The following GLB1L3 variants were observed in gnomAD, a reference collection of about 807,000 sequenced individuals.
GLB1L3 encodes the protein galactosidase beta 1 like 3, also known as beta-galactosidase-1-like protein 3.
In GLB1L3, 89 loss-of-function variants were observed where a neutral mutation model predicts 89.5. The observed-to-expected ratio is 0.99, with a 90% confidence interval of 0.84 to 1.19. The LOEUF (loss-of-function observed/expected upper bound fraction) is 1.19. Among genes scored for constraint, GLB1L3 ranks in the 50% most tolerant of loss-of-function variants. The pLI, the probability that GLB1L3 is intolerant of heterozygous loss-of-function variation, is 0.00. For missense variants in GLB1L3, 812 were observed against 813.3 expected, an observed-to-expected ratio of 1.00 and a Z score of 0.02; for synonymous variants, 314 against 312.3, an observed-to-expected ratio of 1.01 and a Z score of -0.06.
chr11:134,284,069 C>T (rs1055881694), intron 6 of GLB1L3, among the ~76,000 whole-genome samples: 3 of 152,278 alleles, frequency 2.0e-5, no homozygotes, highest in African/African-American at 7.2e-5. Flanking sequence ...ACTCATCACA[C>T]AAGGCAGGGA....
chr11:134,296,707 G>T (rs1941665254), intron 9 of GLB1L3, among the ~76,000 whole-genome samples: 1 of 109,730 alleles, frequency 9.1e-6, no homozygotes, highest in Non-Finnish European at 1.8e-5. Flanking sequence ...TGGGGGGAGG[G>T]GGGAGGGATA....
intron 10 of GLB1L3, among the ~76,000 whole-genome samples, chr11:134,308,389 TCACCACCATCACCATCACCACCAC>T (rs1942425897): frequency 4.3e-4 from 13 of 30,526 alleles, no homozygotes; most frequent in Admixed American, 2.2e-3. Context: ...ATCACCACCA[TCACCACCATCACCATCACCACCAC>T]CACCATCATC....
intron 6 of GLB1L3, among the ~76,000 whole-genome samples, chr11:134,285,895 A>G (rs1230292647): frequency 6.6e-6 from 1 of 151,248 alleles, no homozygotes; most frequent in Non-Finnish European, 1.5e-5. Context: ...TGGAATCATG[A>G]ATTGTGAGTT....
chr11:134,281,280 A>G (rs143920213), intron 3 of GLB1L3, 97 bp from the exon 4 acceptor site: 17 of 1,331,950 alleles, frequency 1.3e-5, no homozygotes, highest in Non-Finnish European at 1.8e-5. Context: ...TTCAAAATAG[A>G]GCTATGCATG....
intron 10 of GLB1L3, 132 bp downstream of exon 10, chr11:134,307,340 A>C: frequency 1.5e-6 from 1 of 662,498 alleles, no homozygotes; most frequent in East Asian, 2.8e-5. Context: ...ACATACAAGC[A>C]CTCAGCCAGG....
intron 9 of GLB1L3, 112 bp from the exon 10 acceptor site, chr11:134,307,012 G>A (rs771514993): frequency 1.1e-4 from 75 of 707,914 alleles, no homozygotes; most frequent in Non-Finnish European, 1.8e-4. Context: ...CTCTGAATTG[G>A]GAAAAAGGAG....
At chr11:134,286,451 G>T (rs561272929) in intron 6 of GLB1L3, among the ~76,000 whole-genome samples, 1 of 152,256 alleles carries the variant, frequency 6.6e-6, no homozygotes, top group South Asian at 2.1e-4. Context: ...AATCTAGATG[G>T]GACTCAGTGG....
At chr11:134,301,565 A>AT (rs961276118) in intron 9 of GLB1L3, among the ~76,000 whole-genome samples, 12 of 151,362 alleles carry the variant, frequency 7.9e-5, no homozygotes, top group Non-Finnish European at 1.3e-4. Flanking sequence ...CAAAGAACCG[A>AT]TTTTTTTTTA....
At chr11:134,276,887 A>T in intron 1 of GLB1L3, 124 bp downstream of exon 1, 1 of 868,596 alleles carries the variant, frequency 1.2e-6, no homozygotes, top group Non-Finnish European at 1.5e-6. Flanking sequence ...GGGCCGCGCC[A>T]CCAAGCCCGC....
At chr11:134,277,487 G>A (rs1191164863) in intron 2 of GLB1L3, 36 bp downstream of exon 2, 1 of 1,602,666 alleles carries the variant, frequency 6.2e-7, no homozygotes, top group African/African-American at 1.3e-5. Context: ...GGAGGGAGGG[G>A]AGCGATCTCT....
At chr11:134,309,815 T>C (rs766374123) in intron 11 of GLB1L3, 52 bp downstream of exon 11, 2 of 1,596,314 alleles carry the variant, frequency 1.3e-6, no homozygotes, top group South Asian at 2.3e-5. Flanking sequence ...GCTGGGGCTT[T>C]ACAGAGGAGG....
chr11:134,281,096 T>C (rs1399081714), intron 3 of GLB1L3, among the ~76,000 whole-genome samples: 1 of 152,242 alleles, frequency 6.6e-6, no homozygotes, highest in Non-Finnish European at 1.5e-5. Flanking sequence ...ATACTTTTAA[T>C]GAGTGTTACA....
downstream of GLB1L3, among the ~76,000 whole-genome samples, chr11:134,319,724 A>C (rs201698546): frequency 7.8e-6 from 1 of 128,182 alleles, no homozygotes; most frequent in Admixed American, 7.7e-5. Flanking sequence ...CTCTCTGTGT[A>C]TGTGTGTGTG....
At chr11:134,321,239 G>T (rs1160926481), downstream of GLB1L3, among the ~76,000 whole-genome samples, 2 of 152,156 alleles carry the variant, frequency 1.3e-5, no homozygotes, top group Non-Finnish European at 2.9e-5. Flanking sequence ...GTAATTCTCA[G>T]ATATTAACTT....
At chr11:134,309,493 T>G in intron 10 of GLB1L3, 133 bp from the exon 11 acceptor site, 1 of 452,954 alleles carries the variant, frequency 2.2e-6, no homozygotes, top group Non-Finnish European at 3.8e-6. Context: ...TTCCCAAGAA[T>G]GTATATAGCC....
intron 9 of GLB1L3, among the ~76,000 whole-genome samples, chr11:134,299,323 C>G (rs1238552164): frequency 6.6e-6 from 1 of 152,072 alleles, no homozygotes. Context: ...ATTGCTTTAT[C>G]TCTTCCAAGT....
chr11:134,315,240 CT>C (rs1264287158), intron 18 of GLB1L3, among the ~76,000 whole-genome samples: 1 of 152,058 alleles, frequency 6.6e-6, no homozygotes, highest in Non-Finnish European at 1.5e-5. Context: ...TTTACTTTTT[CT>C]GAACATTTGG....
chr11:134,304,269 G>A (rs1023402623), intron 9 of GLB1L3, among the ~76,000 whole-genome samples: 19 of 151,928 alleles, frequency 1.3e-4, no homozygotes, highest in African/African-American at 3.1e-4. Context: ...TCATATACAC[G>A]AATTCTCTTT....
In GLB1L3 at chr11:134,313,482, C is replaced by G; in HGVS notation, c.1579+8C>G. 6.5e-7 allele frequency: 1 copy of G among 1,545,408 alleles called. No individual in the cohort carries two copies. The highest frequency in any genetic ancestry group is 8.8e-7 in the Non-Finnish European group (1 of 1,142,510). ...TACAGAATGAGCAGAAAGGTGGGCT[C>G]TGGCTGTGGCTTCTCCTCAGTTGCT... On this transcript the variant is annotated splice_region_variant and intron_variant, in intron 16 of 19. Coordinates refer to ENST00000431683, the MANE Select transcript of GLB1L3 (RefSeq NM_001080407.3).
Sources: gnomAD v4.1 joint callset for allele counts (sites outside exome capture counted in the v4.1 genomes callset) on GRCh38, gnomAD v4.1.1 for gene constraint, MANE v1.5 for transcripts, NCBI Gene and HGNC (gene_info 2026-07-23, HGNC 2026-07-21) for gene names.